ZNF148: variants seen among roughly 807,000 people sequenced by gnomAD.
ZNF148 encodes zinc finger protein 148, also known as Beta-Enolase Repressor Factor-1.
A neutral mutation model predicts 67.7 loss-of-function variants in ZNF148; 7 were observed. The observed-to-expected ratio is 0.10, with a 90% confidence interval of 0.06 to 0.19. The LOEUF is 0.19. Among genes scored for constraint, ZNF148 ranks in the 10% least tolerant of loss-of-function variants. ZNF148 has a pLI of 1.00. For missense variants in ZNF148, 583 were observed against 947.1 expected, an observed-to-expected ratio of 0.62 and a Z score of 5.05; for synonymous variants, 333 against 330.7, an observed-to-expected ratio of 1.01 and a Z score of -0.08.
intron 1 of ZNF148, among the ~76,000 whole-genome samples, chr3:125,356,521 C>A (rs895520889): frequency 6.6e-6 from 1 of 152,126 alleles, no homozygotes; most frequent in Non-Finnish European, 1.5e-5. Context: ...ATCTAAAAAT[C>A]TGAATAGGAT....
At chr3:125,278,845 T>C (rs922903834) in intron 6 of ZNF148, among the ~76,000 whole-genome samples, 4 of 152,212 alleles carry the variant, frequency 2.6e-5, no homozygotes, top group Admixed American at 2.6e-4. Context: ...AACAGGCTTT[T>C]AATAATACAT....
intron 7 of ZNF148, among the ~76,000 whole-genome samples, chr3:125,256,156 G>C (rs1937064988): frequency 4.0e-5 from 6 of 151,826 alleles, no homozygotes; most frequent in Admixed American, 3.9e-4. Context: ...GAGGTCAGGA[G>C]ATCGAGCCCA....
chr3:125,367,419 C>T lies in ZNF148; in HGVS notation c.-234+7683G>A, dbSNP rs528698186. ...TACCTTATTCCTAGTTCTCTAACAC[C>T]GATACACATTGATCTATATTCTTTA... On this transcript the variant is annotated intron_variant, in intron 1 of 8. Transcript: ENST00000360647. 3.3e-5 allele frequency among the ~76,000 whole-genome samples: 5 copies of T among 152,254 alleles called. No individual in the cohort carries two copies. In the South Asian group the frequency reaches 8.3e-4, roughly 25 times the overall value.
intron 3 of ZNF148, among the ~76,000 whole-genome samples, chr3:125,322,155 G>A (rs988729540): frequency 2.1e-5 from 3 of 144,148 alleles, no homozygotes; most frequent in Admixed American, 1.5e-4. Flanking sequence ...TCAGCCTCCC[G>A]AGTAGCCGGG....
Position 125,228,204 on chromosome 3 carries a change from G to A in ZNF148, c.*4137C>T, listed in dbSNP as rs1440174126. ...AAGCAAATCACAAAGTTAGGTAGCA[G>A]TACAGAAGCAGGAAAAAAAACCACA... On this transcript the variant is annotated 3_prime_UTR_variant, in exon 9 of 9. Coordinates refer to ENST00000360647, the MANE Select transcript of ZNF148 (RefSeq NM_021964.3). 6.6e-6 allele frequency: 1 copy of A among 152,556 alleles called. No homozygotes were observed. The highest frequency in any genetic ancestry group is 2.4e-5 in the African/African-American group (1 of 41,422). 9.5% of individuals were successfully genotyped at this position (152,556 alleles called of 1,614,324 possible).
At chr3:125,330,897 A>C (rs1406969606) in intron 2 of ZNF148, among the ~76,000 whole-genome samples, 1 of 152,166 alleles carries the variant, frequency 6.6e-6, no homozygotes, top group Non-Finnish European at 1.5e-5. Context: ...GGCCTAAAAG[A>C]TATGCAAGTA....
At chr3:125,236,690 T>G (rs1936107021) in intron 7 of ZNF148, among the ~76,000 whole-genome samples, 2 of 152,202 alleles carry the variant, frequency 1.3e-5, no homozygotes, top group Non-Finnish European at 2.9e-5. Flanking sequence ...CTACCAAATT[T>G]TAGAGCTGAA....
intron 7 of ZNF148, among the ~76,000 whole-genome samples, chr3:125,257,168 G>C (rs1937124119): frequency 6.6e-6 from 1 of 151,892 alleles, no homozygotes; most frequent in Admixed American, 6.6e-5. Context: ...CTGTCATTCT[G>C]TTCTGTCACT....
chr3:125,279,252 T>C lies in ZNF148; in HGVS notation c.460-5A>G, dbSNP rs756774317. 3 of 1,118,400 alleles carry C rather than the reference T, an allele frequency of 2.7e-6. No homozygotes were observed. Among genetic ancestry groups the C allele is most frequent in the Non-Finnish European group, 2.3e-6 (2 of 869,714 alleles). 69.3% of individuals were successfully genotyped at this position (1,118,400 alleles called of 1,614,324 possible). On this transcript the variant is annotated splice_region_variant and splice_polypyrimidine_tract_variant and intron_variant, in intron 5 of 8. Transcript: ENST00000360647. ...ATCCTCATTTATTGTAAGGATCTAG[T>C]TCAAAAAAAAAAAGGCAAAAACAAA... is the stretch of plus-strand genomic sequence containing the variant.
chr3:125,310,184 A>G (rs564645361), intron 4 of ZNF148, among the ~76,000 whole-genome samples: 1 of 148,894 alleles, frequency 6.7e-6, no homozygotes, highest in East Asian at 2.0e-4. Context: ...AGTTCAAGTG[A>G]TTCTTATGCC....
Position 125,313,381 on chromosome 3 carries a change from ACT to A in ZNF148, c.258_259del (p.Val87GlufsTer3). On this transcript the variant is annotated frameshift_variant, in exon 4 of 9. Coordinates refer to ENST00000360647, the MANE Select transcript of ZNF148 (RefSeq NM_021964.3). LOFTEE classifies it high-confidence loss of function. ...TTCCATCTGCTCTTCATCATTTTTCACTGTCTCCTCATGGACCATGAGTTCAT... is the reference window on the plus strand; with the variant it reads ...TTCCATCTGCTCTTCATCATTTTTCAGTCTCCTCATGGACCATGAGTTCAT... 6.2e-7 allele frequency: 1 copy of A among 1,614,120 alleles called. No homozygotes were observed. Among genetic ancestry groups the A allele is most frequent in the Non-Finnish European group, 8.5e-7 (1 of 1,180,008 alleles).
At chr3:125,372,882 C>T (rs1045105505) in intron 1 of ZNF148, among the ~76,000 whole-genome samples, 2 of 152,126 alleles carry the variant, frequency 1.3e-5, no homozygotes, top group African/African-American at 4.8e-5. Flanking sequence ...AGGAGAATTG[C>T]TTGAACCCGG....
intron 7 of ZNF148, among the ~76,000 whole-genome samples, chr3:125,250,679 T>C (rs1194392277): frequency 1.3e-5 from 2 of 152,232 alleles, no homozygotes; most frequent in Non-Finnish European, 2.9e-5. Context: ...TTGGAATAAG[T>C]TGAACCTAAG....
chr3:125,307,994 C>T (rs980763818), intron 4 of ZNF148, among the ~76,000 whole-genome samples: 2 of 152,122 alleles, frequency 1.3e-5, no homozygotes, highest in Non-Finnish European at 2.9e-5. Flanking sequence ...AAATGCAGTC[C>T]CCTTAAGATC....
At chr3:125,371,493 C>T (rs572773097) in intron 1 of ZNF148, among the ~76,000 whole-genome samples, 10 of 149,432 alleles carry the variant, frequency 6.7e-5, no homozygotes, top group African/African-American at 1.5e-4. Flanking sequence ...CCTGTCTCTA[C>T]TAAAAACACA....
At position 125,247,593 on chromosome 3, in the gene ZNF148, A is replaced by T. The variant is rs1421114493; in HGVS notation, c.668-13264T>A. 2.6e-5 allele frequency among the ~76,000 whole-genome samples: 4 copies of T among 152,034 alleles called. No homozygotes were observed. The South Asian group carries it at 8.3e-4, about 32-fold the overall frequency. ...GCTGGGATTACAGGGACGTACCACC[A>T]GGCCAGGCTAATTTTTTTGTATTTT... On this transcript the variant is annotated intron_variant, in intron 7 of 8. Transcript: ENST00000360647.
intron 4 of ZNF148, among the ~76,000 whole-genome samples, chr3:125,312,843 G>A (rs929340569): frequency 6.6e-6 from 1 of 152,060 alleles, no homozygotes; most frequent in East Asian, 1.9e-4. Context: ...GTAAAGGGCT[G>A]ATATACTTTA....
intron 1 of ZNF148, among the ~76,000 whole-genome samples, chr3:125,374,509 C>T (rs1005991488): frequency 4.6e-5 from 7 of 152,070 alleles, no homozygotes; most frequent in Non-Finnish European, 1.0e-4. Context: ...TGAACACCCC[C>T]CAGAATCCTC....
At chr3:125,320,007 G>A (rs1177141412) in intron 3 of ZNF148, among the ~76,000 whole-genome samples, 1 of 152,140 alleles carries the variant, frequency 6.6e-6, no homozygotes, top group Non-Finnish European at 1.5e-5. Flanking sequence ...GGCTACTATG[G>A]GAGAACTTTC....
Sources: allele counts gnomAD v4.1 joint callset (sites outside exome capture counted in the v4.1 genomes callset), GRCh38; gene constraint gnomAD v4.1.1; transcripts MANE v1.5; gene names NCBI Gene and HGNC (gene_info 2026-07-23, HGNC 2026-07-21).